The following CAD variants were observed in gnomAD, a reference collection of about 807,000 sequenced individuals.
The protein encoded by CAD is multifunctional protein CAD.
In CAD, 81 loss-of-function variants were observed where a neutral mutation model predicts 237.2. That is an observed-to-expected ratio of 0.34 (90% CI 0.29 to 0.41). The LOEUF is 0.41. Ranked by LOEUF, CAD falls within the 10% of genes least tolerant of loss-of-function variation. CAD has a pLI of 1.00. For missense variants in CAD, 2,181 were observed against 2,951.7 expected, an observed-to-expected ratio of 0.74 and a Z score of 6.05; for synonymous variants, 1,196 against 1,162.8, an observed-to-expected ratio of 1.03 and a Z score of -0.58.
chr2:27,219,593 T>G (rs1331989572), intron 2 of CAD, among the ~76,000 whole-genome samples: 1 of 152,066 alleles, frequency 6.6e-6, no homozygotes. Flanking sequence ...TTTTTTTTTA[T>G]TTTTATTTTG....
At chr2:27,224,679 T>TAC in intron 9 of CAD, 66 bp from the exon 10 acceptor site, 6 of 1,599,192 alleles carry the variant, frequency 3.8e-6, no homozygotes, top group Non-Finnish European at 5.1e-6. Context: ...AGGAGAATGC[T>TAC]ACTCTAAGGC....
rs374980104 is a variant in CAD, at chr2:27,241,898, G to A, written c.5884-13G>A. ...CACGCATACGTACACCTTCCATCTT[G>A]CTCTTTCCCTAGGGGAAGGTCATGG... On this transcript the variant is annotated splice_polypyrimidine_tract_variant and intron_variant, in intron 38 of 43. Transcript: ENST00000264705. The surrounding 1 kb of genome is among the most constrained non-coding windows in gnomAD (Gnocchi z 4.6). 2.1e-5 allele frequency: 33 copies of A among 1,608,394 alleles called. No individual in the cohort carries two copies. The African/African-American group carries it at 4.3e-4, about 21-fold the overall frequency.
rs1178244216 is a variant in CAD at position 27,217,584 on chromosome 2, C to G, written c.33C>G (p.Val11=). ...CCCTAGTGTTGGAGGACGGGTCGGT[C>G]CTGCGGGGCCAGCCCTTTGGGGCCG... MAALVLEDGS[V]LRGQPFGAAV... The change falls in exon 1 of 44, where the codon GTC becomes GTG. Residue 11 remains valine (V), a synonymous_variant. Coordinates refer to ENST00000264705, the MANE Select transcript of CAD (RefSeq NM_004341.5). 3 of 1,608,650 alleles carry G rather than the reference C, an allele frequency of 1.9e-6. No individual in the cohort carries two copies. The highest frequency in any genetic ancestry group is 2.5e-6 in the Non-Finnish European group (3 of 1,178,120).
chr2:27,224,907 A>G, intron 10 of CAD, 31 bp downstream of exon 10: 1 of 1,614,056 alleles, frequency 6.2e-7, no homozygotes, highest in Non-Finnish European at 8.5e-7. Context: ...GAATGAAAAG[A>G]GGACTGGGCA....
At chr2:27,234,468 T>G in intron 22 of CAD, 50 bp from the exon 23 acceptor site, 1 of 1,571,864 alleles carries the variant, frequency 6.4e-7, no homozygotes, top group Non-Finnish European at 8.7e-7. Flanking sequence ...CTATAGATAG[T>G]GTCAGCAAGG....
At chr2:27,223,144 G>T in intron 6 of CAD, 107 bp downstream of exon 6, 3 of 1,208,738 alleles carry the variant, frequency 2.5e-6, no homozygotes, top group Non-Finnish European at 3.5e-6. Context: ...ATAGGAGCGG[G>T]GGGGTTGCAG....
At chr2:27,243,051 G>A in intron 42 of CAD, 78 bp downstream of exon 42, 1 of 1,386,758 alleles carries the variant, frequency 7.2e-7, no homozygotes, top group Admixed American at 1.8e-5. Flanking sequence ...GCTGGGCTGA[G>A]GGCTGGGTCA....
chr2:27,242,272 C>T lies in CAD; in HGVS notation c.6097-30C>T. On this transcript the variant is annotated intron_variant, in intron 39 of 43. Coordinates refer to ENST00000264705, the MANE Select transcript of CAD (RefSeq NM_004341.5). This position sits in a 1 kb window ranked among gnomAD's most constrained non-coding sequence, Gnocchi z 6.4. ...TGGCAGTTGGGGGGCCTCTGAGCTGCAAAAGACAGGATTTTCCCCTTTTTT... is the reference window on the plus strand; with the variant it reads ...TGGCAGTTGGGGGGCCTCTGAGCTGTAAAAGACAGGATTTTCCCCTTTTTT... 1 of 1,596,906 alleles carries T rather than the reference C, an allele frequency of 6.3e-7. No individual in the cohort carries two copies. Among genetic ancestry groups the T allele is most frequent in the Non-Finnish European group, 8.6e-7 (1 of 1,168,606 alleles).
chr2:27,232,689 C>T lies in CAD; in HGVS notation c.2887C>T (p.Arg963Ter). 6.2e-7 allele frequency: 1 copy of T among 1,614,174 alleles called. No homozygotes were observed. The highest frequency in any genetic ancestry group is 8.5e-7 in the Non-Finnish European group (1 of 1,180,026). The change falls in exon 18 of 44, where the codon CGA becomes TGA. Residue 963 changes from arginine to a stop codon, truncating the protein, a stop_gained. Coordinates refer to ENST00000264705, the MANE Select transcript of CAD (RefSeq NM_004341.5). LOFTEE classifies it high-confidence loss of function. This position sits in a 1 kb window ranked among gnomAD's most constrained non-coding sequence, Gnocchi z 4.1. ...WCAVGCIQQL[R>*]KMGYKTIMVN... ...TGCTGTAGGCTGCATCCAGCAGCTC[C>T]GAAAGGTCAGAGAGTTCATTTTCTT...
intron 14 of CAD, 67 bp downstream of exon 14, chr2:27,226,716 C>T: frequency 1.9e-6 from 3 of 1,605,240 alleles, no homozygotes; most frequent in South Asian, 1.1e-5. Flanking sequence ...ATTGATGGGA[C>T]AGGGAATATG....
intron 7 of CAD, 77 bp downstream of exon 7, chr2:27,223,825 G>A: frequency 6.4e-7 from 1 of 1,565,438 alleles, no homozygotes; most frequent in Non-Finnish European, 8.8e-7. Flanking sequence ...GCACGGCAGT[G>A]GATCCGAGTC....
In CAD at chr2:27,224,500, G is replaced by T; in HGVS notation, c.1254+10G>T. The stretch of plus-strand genomic sequence containing the variant: ...CTACTCGGGCTCTCAGGTGAGGCAT[G>T]TTCCTCCCCACCCTTCTGGGCGTGT... On this transcript the variant is annotated intron_variant, in intron 9 of 43. Coordinates refer to ENST00000264705, the MANE Select transcript of CAD (RefSeq NM_004341.5). 1 of 1,613,322 alleles carries T rather than the reference G, an allele frequency of 6.2e-7. No individual in the cohort carries two copies. Among genetic ancestry groups the T allele is most frequent in the Non-Finnish European group, 8.5e-7 (1 of 1,179,498 alleles).
In CAD at chr2:27,232,472, G is replaced by A; in HGVS notation, c.2670G>A (p.Leu890=). 6.2e-7 allele frequency: 1 copy of A among 1,614,228 alleles called. No homozygotes were observed. Among genetic ancestry groups the A allele is most frequent in the African/African-American group, 1.3e-5 (1 of 75,046 alleles). ...GCACAGAGCTGGCTGTTCGCAAGCT[G>A]CGTCAGGAACTGGGGATCTGTCCAG... ...VLSTELAVRK[L]RQELGICPAV... is the part of the protein sequence containing the mutation. Residue 890 remains leucine (L), a synonymous_variant, in exon 18 of 44, where the codon CTG becomes CTA. Coordinates refer to ENST00000264705, the MANE Select transcript of CAD (RefSeq NM_004341.5). This position sits in a 1 kb window ranked among gnomAD's most constrained non-coding sequence, Gnocchi z 4.1.
chr2:27,241,356 G>T lies in CAD; in HGVS notation c.5843G>T (p.Arg1948Leu). 6.2e-7 allele frequency: 1 copy of T among 1,614,188 alleles called. No individual in the cohort carries two copies. The highest frequency in any genetic ancestry group is 8.5e-7 in the Non-Finnish European group (1 of 1,180,026). ...SHLFNVAHTL[R>L]MMVQKERSLD... ...CTGTTCAATGTGGCACACACACTGC[G>T]TATGATGGTGCAGAAGGAGCGGAGC... The change falls in exon 38 of 44, where the codon CGT (arginine) becomes CTT (leucine). Residue 1948 changes from arginine to leucine, a missense_variant. Physicochemically the swap from Arg to Leu is moderately radical, Grantham distance 102 (BLOSUM62 -2). This residue lies in a region of CAD where 203 missense variants were observed against 284.5 expected (regional missense o/e 0.71). Transcript: ENST00000264705. The surrounding 1 kb of genome is among the most constrained non-coding windows in gnomAD (Gnocchi z 4.6).
In CAD at chr2:27,243,653, C is replaced by G. The variant is rs1676445889; in HGVS notation, c.*135C>G. ...ACATGTGCTGACCACACTTCAGGCT[C>G]TGGACTGGAGCTCTCTGGCATGGGG... On this transcript the variant is annotated 3_prime_UTR_variant, in exon 44 of 44. Transcript: ENST00000264705. 2.8e-6 allele frequency: 2 copies of G among 717,756 alleles called. No homozygotes were observed. The highest frequency in any genetic ancestry group is 2.7e-5 in the Admixed American group (1 of 36,384). 44.5% of individuals were successfully genotyped at this position (717,756 alleles called of 1,614,324 possible).
At chr2:27,223,103 G>T in intron 6 of CAD, 66 bp downstream of exon 6, 1 of 1,529,530 alleles carries the variant, frequency 6.5e-7, no homozygotes, top group Middle Eastern at 1.8e-4. Context: ...TCTCAGGAAT[G>T]AGAAGAGAGT....
At chr2:27,234,490 A>G (rs775194796) in intron 22 of CAD, 28 bp from the exon 23 acceptor site, 1 of 1,609,208 alleles carries the variant, frequency 6.2e-7, no homozygotes, top group Non-Finnish European at 8.5e-7. Context: ...CAACCTGCAG[A>G]AGGCCTGACC....
chr2:27,220,536 A>G (rs1054739515), intron 2 of CAD, among the ~76,000 whole-genome samples: 8 of 151,808 alleles, frequency 5.3e-5, no homozygotes, highest in African/African-American at 1.9e-4. Flanking sequence ...TGTGGTCCCA[A>G]CTACTCAGGA....
chr2:27,218,166 CTG>C (rs1558524735), intron 2 of CAD, 150 bp downstream of exon 2: 6 of 668,916 alleles, frequency 9.0e-6, no homozygotes, highest in African/African-American at 5.7e-5. Flanking sequence ...TCACTAGTAA[CTG>C]TAGTTAGGGG....
Sources: gnomAD v4.1 joint callset for allele counts (sites outside exome capture counted in the v4.1 genomes callset) on GRCh38, gnomAD v4.1.1 for gene constraint, gnomAD v4.1.1 regional missense constraint, Gnocchi (gnomAD v3.1) non-coding constraint, MANE v1.5 for transcripts, NCBI Gene and HGNC (gene_info 2026-07-23, HGNC 2026-07-21) for gene names.